TMEM132A: variants seen among roughly 807,000 people sequenced by gnomAD.
TMEM132A encodes transmembrane protein 132A.
In TMEM132A, 48 loss-of-function variants were observed where a neutral mutation model predicts 69.9. The observed-to-expected ratio is 0.69, with a 90% CI of 0.55 to 0.87. The LOEUF is 0.87. Ranked by LOEUF, TMEM132A falls within the 40% of genes least tolerant of loss-of-function variation. The pLI is 0.00. For missense variants in TMEM132A, 1,287 were observed against 1,407.2 expected, an observed-to-expected ratio of 0.91 and a Z score of 1.37; for synonymous variants, 577 against 613.7, an observed-to-expected ratio of 0.94 and a Z score of 0.88.
rs749050827 is a variant in TMEM132A, at chr11:60,931,966, C to A, written c.1213-18C>A. On this transcript the variant is annotated intron_variant, in intron 6 of 10. Coordinates refer to ENST00000453848, the MANE Select transcript of TMEM132A (RefSeq NM_178031.3). ...ATGAGCTGAGGGGCCTGGGGCTGAG[C>A]CCCTCCTCCACCCCCAGGCTGAGGA... 1 of 1,611,660 alleles carries A rather than the reference C, an allele frequency of 6.2e-7. No homozygotes were observed. Among genetic ancestry groups the A allele is most frequent in the Admixed American group, 1.7e-5 (1 of 59,614 alleles).
intron 4 of TMEM132A, among the ~76,000 whole-genome samples, chr11:60,929,801 T>C (rs761766824): frequency 2.6e-5 from 4 of 152,224 alleles, no homozygotes; most frequent in Non-Finnish European, 5.9e-5. Flanking sequence ...CTCACTCTTA[T>C]TAAGCAGATC....
chr11:60,931,379 C>A (rs892891930), intron 5 of TMEM132A, among the ~76,000 whole-genome samples: 3 of 152,126 alleles, frequency 2.0e-5, no homozygotes, highest in Non-Finnish European at 2.9e-5. Flanking sequence ...CTGTGGAAAG[C>A]GGAAGTCTGG....
In TMEM132A at chr11:60,935,740, A is replaced by G. The variant is rs1856579432; in HGVS notation, c.2029-124A>G. On this transcript the variant is annotated intron_variant, in intron 10 of 10. Transcript: ENST00000453848. The surrounding 1 kb of genome is among the most constrained non-coding windows in gnomAD (Gnocchi z 5.0). Reference sequence around the variant, plus strand: ...TCCCCTCTCTCCCTGTGTTTTGTCTATCTGCCTGTGTCTCTGTTTTCTCTC... The same window carrying G: ...TCCCCTCTCTCCCTGTGTTTTGTCTGTCTGCCTGTGTCTCTGTTTTCTCTC... 3.4e-6 allele frequency: 4 copies of G among 1,175,716 alleles called. No individual in the cohort carries two copies. The highest frequency in any genetic ancestry group is 2.1e-5 in the Admixed American group (1 of 47,560). The allele number at this position is 1,175,716 out of a possible 1,614,324, so 72.8% of individuals were successfully genotyped here. A position where few individuals can be genotyped will look rare whatever the true frequency, so the allele number is the denominator to read the frequency against.
rs1260331100 is a variant in TMEM132A at position 60,933,685 on chromosome 11, G to T, written c.1500G>T (p.Glu500Asp). ...CCCCCCTGCTACCGCTGCGTATCGA[G>T]CTCACCGACACCACCCTCGAGCAGG... ...VWAPLLPLRIELTDTTLEQVR... is the reference protein window; with the variant it reads ...VWAPLLPLRIDLTDTTLEQVR... The change falls in exon 8 of 11, where the codon GAG becomes GAT. Residue 500 changes from glutamate to aspartate, a missense_variant. Physicochemically the swap from Glu to Asp is conservative, Grantham distance 45. Transcript: ENST00000453848. The T allele has an allele frequency of 4.4e-6, 7 of 1,604,210 alleles. No homozygotes were observed. The highest frequency in any genetic ancestry group is 1.7e-5 in the Admixed American group (1 of 59,166).
Position 60,936,403 on chromosome 11 carries a change from C to G in TMEM132A, c.2568C>G (p.Val856=). Residue 856 remains valine, a synonymous_variant, in exon 11 of 11, where the codon GTC becomes GTG. Transcript: ENST00000453848. ...LELGMYALLG[V]FCVAIFIFLV... ...TGGGCATGTACGCCCTGCTGGGAGT[C>G]TTCTGCGTGGCCATCTTCATCTTCT... 6.2e-7 allele frequency: 1 copy of G among 1,614,166 alleles called. No individual in the cohort carries two copies. Among genetic ancestry groups the G allele is most frequent in the African/African-American group, 1.3e-5 (1 of 75,030 alleles).
chr11:60,926,900 G>C, intron 1 of TMEM132A: 1 of 468,010 alleles, frequency 2.1e-6, no homozygotes, highest in Non-Finnish European at 3.9e-6. Context: ...AGGAGTTGGG[G>C]AAAAGGAGAC....
At chr11:60,924,769 C>T (rs781115134) in intron 1 of TMEM132A, 36 bp downstream of exon 1, 15 of 1,421,564 alleles carry the variant, frequency 1.1e-5, no homozygotes, top group East Asian at 2.7e-5. Flanking sequence ...GAGGGGCGGC[C>T]GGGCCCGGCC....
chr11:60,931,813 GAGA>G lies in TMEM132A; in HGVS notation c.1144_1146del (p.Lys382del). On this transcript the variant is annotated inframe_deletion, in exon 6 of 11. Transcript: ENST00000453848. ...GTACCCAGGCCAGGCCCCTGAAGCA[GAGA>G]AGGACAAAATGGTGTGGGAAATCCT... The G allele has an allele frequency of 6.2e-7, 1 of 1,614,258 alleles. No homozygotes were observed. The highest frequency in any genetic ancestry group is 1.3e-5 in the African/African-American group (1 of 75,068).
Position 60,936,038 on chromosome 11 carries a change from G to T in TMEM132A, c.2203G>T (p.Gly735Trp), listed in dbSNP as rs1279455798. 6.2e-7 allele frequency: 1 copy of T among 1,602,164 alleles called. No homozygotes were observed. The highest frequency in any genetic ancestry group is 2.2e-5 in the East Asian group (1 of 44,628). ...GGTGGTGAGTGGGGCAGGCGCCGAG[G>T]GGCTGCCGCTGCATGTGGCTCTGCA... ...GVVVSGAGAE[G>W]LPLHVALHPP... is the part of the protein sequence containing the mutation. The change falls in exon 11 of 11, where the codon GGG (glycine) becomes TGG (tryptophan). Residue 735 changes from glycine to tryptophan, a missense_variant. Gly to Trp is a radical substitution (Grantham distance 184, BLOSUM62 -2). Transcript: ENST00000453848.
intron 1 of TMEM132A, among the ~76,000 whole-genome samples, chr11:60,926,841 G>T (rs1163470295): frequency 6.6e-6 from 1 of 152,158 alleles, no homozygotes; most frequent in Non-Finnish European, 1.5e-5. Flanking sequence ...GTCTGCCGAC[G>T]GTTGCACCCC....
Position 60,931,776 on chromosome 11 carries a change from G to A in TMEM132A, c.1104G>A (p.Thr368=), listed in dbSNP as rs760741672. ...GGGVAVTRPV[T]WQLEYPGQAP... ...GCGTAGCGGTCACTCGCCCCGTCAC[G>A]TGGCAGCTGGAGTACCCAGGCCAGG... The change falls in exon 6 of 11, where the codon ACG becomes ACA. Residue 368 remains threonine (T), a synonymous_variant. Transcript: ENST00000453848. 1.1e-4 allele frequency: 171 copies of A among 1,614,110 alleles called. No individual in the cohort carries two copies. The highest frequency in any genetic ancestry group is 1.6e-4 in the Middle Eastern group (1 of 6,084).
At position 60,935,471 on chromosome 11, in the gene TMEM132A, G is replaced by A. The variant is rs1290354738; in HGVS notation, c.2028+28G>A. On this transcript the variant is annotated intron_variant, in intron 10 of 10. Transcript: ENST00000453848. The surrounding 1 kb of genome is among the most constrained non-coding windows in gnomAD (Gnocchi z 5.0). ...GACAGTTGGGGGGTCAGGGGGATGA[G>A]GTCAACATCTCCAGATGGGGGCTCA... 5 of 1,570,990 alleles carry A rather than the reference G, an allele frequency of 3.2e-6. No individual in the cohort carries two copies. Among genetic ancestry groups the A allele is most frequent in the Admixed American group, 1.9e-5 (1 of 53,318 alleles).
chr11:60,934,403 G>C (rs903318278), intron 8 of TMEM132A, 85 bp from the exon 9 acceptor site: 7 of 1,199,190 alleles, frequency 5.8e-6, no homozygotes, highest in African/African-American at 4.8e-5. Flanking sequence ...CGCCGGGGAC[G>C]AGCTGCGGGT....
intron 8 of TMEM132A, chr11:60,933,991 A>G: frequency 1.8e-6 from 1 of 548,310 alleles, no homozygotes; most frequent in Non-Finnish European, 3.2e-6. Context: ...TTCCTAATCT[A>G]CGTCAGTACT....
At chr11:60,927,486 T>C (rs1340654330) in intron 2 of TMEM132A, 68 bp downstream of exon 2, 22 of 1,495,508 alleles carry the variant, frequency 1.5e-5, no homozygotes, top group Admixed American at 1.9e-5. Context: ...TGGGTACAAA[T>C]TGGGAGCCTT....
Position 60,935,315 on chromosome 11 carries a change from G to T in TMEM132A, c.1900G>T (p.Val634Phe). The change falls in exon 10 of 11, where the codon GTC becomes TTC. Residue 634 changes from valine to phenylalanine, a missense_variant. Coordinates refer to ENST00000453848, the MANE Select transcript of TMEM132A (RefSeq NM_178031.3). The surrounding 1 kb of genome is among the most constrained non-coding windows in gnomAD (Gnocchi z 5.0). ...GGCGCTGGCTGTGACGGACGACAAGGTCTCAGTGCTGGAGCTGAGGGTGCA... is the reference window on the plus strand; with the variant it reads ...GGCGCTGGCTGTGACGGACGACAAGTTCTCAGTGCTGGAGCTGAGGGTGCA... ...EQALAVTDDK[V>F]SVLELRVQPV... is the part of the protein sequence containing the mutation. 1 of 1,613,244 alleles carries T rather than the reference G, an allele frequency of 6.2e-7. No individual in the cohort carries two copies. The highest frequency in any genetic ancestry group is 8.5e-7 in the Non-Finnish European group (1 of 1,179,774).
Position 60,935,428 on chromosome 11 carries a change from T to A in TMEM132A, c.2013T>A (p.Leu671=). 1.2e-6 allele frequency: 2 copies of A among 1,606,080 alleles called. No individual in the cohort carries two copies. The highest frequency in any genetic ancestry group is 1.7e-6 in the Non-Finnish European group (2 of 1,176,802). The change falls in exon 10 of 11, where the codon CTT becomes CTA. Residue 671 remains leucine, a synonymous_variant. Transcript: ENST00000453848. The surrounding 1 kb of genome is among the most constrained non-coding windows in gnomAD (Gnocchi z 5.0). ...VTATCWAQSA[L]PAPKQEVALS... The stretch of plus-strand genomic sequence containing the variant: ...CTACGTGCTGGGCACAGTCAGCCCT[T>A]CCCGCCCCAAAGCAGGTGACAGTTG...
chr11:60,927,147 G>A, intron 1 of TMEM132A, 57 bp from the exon 2 acceptor site: 2 of 1,490,426 alleles, frequency 1.3e-6, no homozygotes, highest in Non-Finnish European at 1.9e-6. Context: ...ATGGCACCCG[G>A]GTCAGCCCCT....
At chr11:60,930,132 G>A (rs975573237) in intron 4 of TMEM132A, among the ~76,000 whole-genome samples, 1 of 152,214 alleles carries the variant, frequency 6.6e-6, no homozygotes, top group African/African-American at 2.4e-5. Flanking sequence ...CAGGCTGAAG[G>A]CACAGACTGG....
Sources: allele counts gnomAD v4.1 joint callset (sites outside exome capture counted in the v4.1 genomes callset), GRCh38; gene constraint gnomAD v4.1.1; non-coding constraint Gnocchi (gnomAD v3.1); transcripts MANE v1.5; gene names NCBI Gene and HGNC (gene_info 2026-07-23, HGNC 2026-07-21).